TENM2: variants seen among roughly 807,000 people sequenced by gnomAD.
TENM2 encodes teneurin transmembrane protein 2.
In TENM2, 52 loss-of-function variants were observed where a neutral mutation model predicts 245.2. The ratio of observed to expected loss-of-function variants is 0.21; its 90% CI spans 0.17 to 0.27. TENM2 has a LOEUF of 0.27. TENM2 is among the 10% of genes least tolerant of loss of function. TENM2 has a pLI of 1.00. For missense variants in TENM2, 3,046 were observed against 3,666.8 expected (o/e 0.83, Z 4.37); for synonymous variants, 1,363 against 1,438.9 (o/e 0.95, Z 1.19).
the TENM2 span, among the ~76,000 whole-genome samples, chr5:167,185,312 T>C: frequency 6.6e-6 from 1 of 152,078 alleles, no homozygotes; most frequent in Non-Finnish European, 1.5e-5. Context: ...AAGAACCTAG[T>C]TGATTTGGGG....
At chr5:167,415,937 T>G (rs931699092) in intron 2 of TENM2, among the ~76,000 whole-genome samples, 3 of 152,160 alleles carry the variant, frequency 2.0e-5, no homozygotes, top group Non-Finnish European at 2.9e-5. Context: ...AGTAATGATA[T>G]TATAGAATTA....
intron 2 of TENM2, among the ~76,000 whole-genome samples, chr5:167,565,497 G>A (rs1209745485): frequency 6.6e-6 from 1 of 152,180 alleles, no homozygotes; most frequent in African/African-American, 2.4e-5. Flanking sequence ...ATTAATTGGT[G>A]CCCCAGCAGC....
intron 2 of TENM2, among the ~76,000 whole-genome samples, chr5:167,581,345 A>G (rs2127682624): frequency 6.6e-6 from 1 of 152,362 alleles, no homozygotes; most frequent in South Asian, 2.1e-4. Flanking sequence ...TTATCACTAG[A>G]TTAAAACTGA....
chr5:167,488,206 A>C (rs988018270), intron 2 of TENM2, among the ~76,000 whole-genome samples: 7 of 152,082 alleles, frequency 4.6e-5, no homozygotes, highest in Admixed American at 3.9e-4. Flanking sequence ...ATTGCATATT[A>C]TTTTTTAAAA....
At chr5:167,767,971 A>G (rs1763149246) in intron 2 of TENM2, among the ~76,000 whole-genome samples, 1 of 152,168 alleles carries the variant, frequency 6.6e-6, no homozygotes, top group African/African-American at 2.4e-5. Flanking sequence ...ATTTGCCTGA[A>G]CTGTCATACA....
chr5:168,101,524 C>T (rs767749127), intron 9 of TENM2, among the ~76,000 whole-genome samples: 2 of 152,110 alleles, frequency 1.3e-5, no homozygotes, highest in African/African-American at 4.8e-5. Flanking sequence ...AAAGGACTCT[C>T]GGTGTGTGTT....
chr5:166,999,767 A>G, the TENM2 span, among the ~76,000 whole-genome samples: 3 of 152,124 alleles, frequency 2.0e-5, no homozygotes, highest in Admixed American at 1.3e-4. Context: ...AGAGGTCTTG[A>G]GTAGGAATGT....
intron 2 of TENM2, among the ~76,000 whole-genome samples, chr5:167,533,117 G>A (rs1351508048): frequency 2.0e-5 from 3 of 152,018 alleles, no homozygotes; most frequent in African/African-American, 7.2e-5. Context: ...GTTAGAGATA[G>A]GAAGGTAAAA....
chr5:167,090,067 C>T, the TENM2 span, among the ~76,000 whole-genome samples: 2 of 152,166 alleles, frequency 1.3e-5, no homozygotes, highest in South Asian at 2.1e-4. Flanking sequence ...GATAAACAGC[C>T]TCAATTAATA....
intron 2 of TENM2, among the ~76,000 whole-genome samples, chr5:167,385,677 G>A (rs1401762896): frequency 6.6e-6 from 1 of 151,620 alleles, no homozygotes; most frequent in South Asian, 2.1e-4. Context: ...TTCCCCCTGA[G>A]TCCCCAAAGT....
intron 2 of TENM2, among the ~76,000 whole-genome samples, chr5:167,601,901 G>A (rs1437048462): frequency 6.6e-6 from 1 of 151,796 alleles, no homozygotes; most frequent in African/African-American, 2.4e-5. Context: ...TACATCTATT[G>A]CTTAATAATG....
chr5:167,725,790 C>T (rs1404299786), intron 2 of TENM2, among the ~76,000 whole-genome samples: 1 of 152,148 alleles, frequency 6.6e-6, no homozygotes, highest in African/African-American at 2.4e-5. Flanking sequence ...TTAAGCTCCT[C>T]CCATCCTCAA....
At chr5:168,094,450 C>T (rs1793194426) in intron 8 of TENM2, among the ~76,000 whole-genome samples, 1 of 152,088 alleles carries the variant, frequency 6.6e-6, no homozygotes, top group Non-Finnish European at 1.5e-5. Flanking sequence ...GCAATCTCTA[C>T]CTAGCTGTAG....
the TENM2 span, among the ~76,000 whole-genome samples, chr5:167,271,210 G>A: frequency 6.6e-6 from 1 of 152,078 alleles, no homozygotes; most frequent in Non-Finnish European, 1.5e-5. Flanking sequence ...GAGGAGGAGT[G>A]GGGAGGGACT....
In TENM2 at chr5:168,206,756, A is replaced by G. The variant is rs1762381271; in HGVS notation, c.3824+2135A>G. ...CTCAGGCACCCTGTGGGCAACAGAG[A>G]ACCATGGGAGAAGACAGGGTAGGGT... On this transcript the variant is annotated intron_variant, in intron 19 of 28. Transcript: ENST00000518659. 2.0e-5 allele frequency among the ~76,000 whole-genome samples: 3 copies of G among 152,216 alleles called. No homozygotes were observed. The South Asian group carries it at 6.2e-4, about 32-fold the overall frequency.
At chr5:167,077,965 G>A in the TENM2 span, among the ~76,000 whole-genome samples, 1 of 151,922 alleles carries the variant, frequency 6.6e-6, no homozygotes, top group Non-Finnish European at 1.5e-5. Flanking sequence ...GCAAAATCAA[G>A]CATTTTAACT....
intron 5 of TENM2, among the ~76,000 whole-genome samples, chr5:168,005,460 C>G (rs1485715074): frequency 1.3e-5 from 2 of 152,208 alleles, no homozygotes; most frequent in Non-Finnish European, 1.5e-5. Flanking sequence ...TAACACACTA[C>G]CACTGTCTCA....
intron 2 of TENM2, among the ~76,000 whole-genome samples, chr5:167,863,249 A>T (rs1771991577): frequency 6.6e-6 from 1 of 152,248 alleles, no homozygotes; most frequent in African/African-American, 2.4e-5. Context: ...CAGAAATGTT[A>T]GTAAATATTA....
chr5:167,492,901 G>T (rs994995921), intron 2 of TENM2, among the ~76,000 whole-genome samples: 7 of 152,032 alleles, frequency 4.6e-5, no homozygotes, highest in Non-Finnish European at 8.8e-5. Flanking sequence ...CAATGCTAAG[G>T]TATACTGCTG....
Sources: allele counts gnomAD v4.1 joint callset (sites outside exome capture counted in the v4.1 genomes callset), GRCh38; gene constraint gnomAD v4.1.1; transcripts MANE v1.5; gene names NCBI Gene and HGNC (gene_info 2026-07-23, HGNC 2026-07-21).